The following CA10 variants were observed in gnomAD, a reference collection of about 807,000 sequenced individuals.
CA10 encodes carbonic anhydrase 10 (inactive), also known as carbonic anhydrase-related protein 10.
In CA10, 14 loss-of-function variants were observed where a neutral mutation model predicts 44.2. That is an observed-to-expected ratio of 0.32 (90% CI 0.21 to 0.50). The LOEUF (loss-of-function observed/expected upper bound fraction) is 0.50. Ranked by LOEUF, CA10 falls within the 20% of genes least tolerant of loss-of-function variation. The probability of loss-of-function intolerance (pLI) is 0.99; values close to 1 mark genes in which losing one functional copy is unlikely to be tolerated. For missense variants in CA10, 350 were observed against 409.7 expected, an observed-to-expected ratio of 0.85 and a Z score of 1.26; for synonymous variants, 159 against 141.6, an observed-to-expected ratio of 1.12 and a Z score of -0.87.
chr17:52,124,587 T>C (rs1263764457), intron 1 of CA10, among the ~76,000 whole-genome samples: 1 of 152,228 alleles, frequency 6.6e-6, no homozygotes, highest in Non-Finnish European at 1.5e-5. Flanking sequence ...ATATAAGATA[T>C]TCATAATTTG....
chr17:51,754,268 C>T (rs556960254), intron 3 of CA10, among the ~76,000 whole-genome samples: 112 of 148,116 alleles, frequency 7.6e-4, no homozygotes, highest in African/African-American at 2.2e-3. Flanking sequence ...ACTCAGGGTT[C>T]TCTAGAGAAA....
At chr17:51,807,433 AT>A (rs1907178694) in intron 3 of CA10, among the ~76,000 whole-genome samples, 1 of 152,210 alleles carries the variant, frequency 6.6e-6, no homozygotes, top group Non-Finnish European at 1.5e-5. Context: ...TTTGTCTAAA[AT>A]CACACAACTA....
At chr17:52,091,731 G>C (rs1227648603) in intron 1 of CA10, among the ~76,000 whole-genome samples, 1 of 152,142 alleles carries the variant, frequency 6.6e-6, no homozygotes, top group Non-Finnish European at 1.5e-5. Flanking sequence ...ATTGCTGTTG[G>C]AGGGGGACCT....
At chr17:52,068,279 C>A (rs927293103) in intron 2 of CA10, among the ~76,000 whole-genome samples, 3 of 152,210 alleles carry the variant, frequency 2.0e-5, no homozygotes, top group Non-Finnish European at 2.9e-5. Flanking sequence ...TCACTCAGCA[C>A]TTTTCCTTCC....
intron 4 of CA10, among the ~76,000 whole-genome samples, chr17:51,726,430 AG>A (rs1853940142): frequency 6.6e-6 from 1 of 152,188 alleles, no homozygotes; most frequent in South Asian, 2.1e-4. Flanking sequence ...CTGAGCGAGT[AG>A]ATTTTTAAGT....
chr17:51,919,101 T>A (rs1982121908), intron 3 of CA10, among the ~76,000 whole-genome samples: 1 of 152,174 alleles, frequency 6.6e-6, no homozygotes, highest in Admixed American at 6.5e-5. Flanking sequence ...AATGAGCATT[T>A]TCTTAAGTCC....
intron 3 of CA10, among the ~76,000 whole-genome samples, chr17:51,801,488 A>T (rs1426921851): frequency 6.6e-6 from 1 of 151,412 alleles, no homozygotes; most frequent in Non-Finnish European, 1.5e-5. Context: ...AGAGGAAAAA[A>T]ATTAAAAAAA....
chr17:52,030,673 G>A (rs547848528), intron 2 of CA10, among the ~76,000 whole-genome samples: 1 of 152,206 alleles, frequency 6.6e-6, no homozygotes, highest in South Asian at 2.1e-4. Flanking sequence ...AAAATAGGTG[G>A]GGAAGATCTG....
intron 3 of CA10, among the ~76,000 whole-genome samples, chr17:51,922,641 T>C (rs1001422824): frequency 2.0e-5 from 3 of 152,158 alleles, no homozygotes; most frequent in African/African-American, 7.2e-5. Flanking sequence ...CTCCTGCCAG[T>C]TCCTTTTTCG....
intron 1 of CA10, among the ~76,000 whole-genome samples, chr17:52,090,276 A>G (rs1331648294): frequency 1.3e-5 from 2 of 152,168 alleles, no homozygotes; most frequent in Non-Finnish European, 2.9e-5. Context: ...ACATTAAGGG[A>G]TTCTTCAGTA....
chr17:51,935,808 A>G (rs1482828077), intron 2 of CA10, among the ~76,000 whole-genome samples: 1 of 152,164 alleles, frequency 6.6e-6, no homozygotes, highest in African/African-American at 2.4e-5. Flanking sequence ...CTGTTTAATA[A>G]CACACCTTGG....
At chr17:51,889,880 A>ACC (rs1209484685) in intron 3 of CA10, among the ~76,000 whole-genome samples, 2 of 152,204 alleles carry the variant, frequency 1.3e-5, no homozygotes, top group Non-Finnish European at 2.9e-5. Flanking sequence ...TTAGCTGAAC[A>ACC]CCCACTGGAG....
intron 4 of CA10, among the ~76,000 whole-genome samples, chr17:51,660,116 C>G (rs55711288): frequency 0.014 from 2,111 of 152,272 alleles, 23 homozygotes; most frequent in South Asian, 0.043. Context: ...CATGATTATA[C>G]AGTCATTCAT....
chr17:51,818,552 C>T (rs1907652834), intron 3 of CA10, among the ~76,000 whole-genome samples: 1 of 152,276 alleles, frequency 6.6e-6, no homozygotes. Flanking sequence ...GAGACTAGAA[C>T]TCTGATCCTT....
intron 8 of CA10, among the ~76,000 whole-genome samples, chr17:51,632,858 G>A (rs533713163): frequency 6.6e-6 from 1 of 152,304 alleles, no homozygotes; most frequent in South Asian, 2.1e-4. Flanking sequence ...AGTTACAGGA[G>A]GCAGATGTCA....
intron 2 of CA10, among the ~76,000 whole-genome samples, chr17:51,983,973 C>T (rs376150503): frequency 3.3e-5 from 5 of 151,834 alleles, no homozygotes; most frequent in South Asian, 2.1e-4. Context: ...ATTTCCAACA[C>T]GAAGTCTCTA....
intron 3 of CA10, among the ~76,000 whole-genome samples, chr17:51,781,858 T>C (rs1452392606): frequency 1.3e-5 from 2 of 152,210 alleles, no homozygotes; most frequent in African/African-American, 4.8e-5. Flanking sequence ...TTATGTCTTA[T>C]ATAATGAGGT....
chr17:51,648,733 T>C (rs1241584718), intron 6 of CA10, among the ~76,000 whole-genome samples: 4 of 152,178 alleles, frequency 2.6e-5, no homozygotes, highest in Non-Finnish European at 5.9e-5. Flanking sequence ...AGAGATGCTA[T>C]CCTGTCTCTG....
chr17:51,687,734 T>C (rs1008498740), intron 4 of CA10, among the ~76,000 whole-genome samples: 1 of 152,236 alleles, frequency 6.6e-6, no homozygotes, highest in East Asian at 1.9e-4. Context: ...AAAATGTCCT[T>C]GCTCTTATAA....
Sources: gnomAD v4.1 joint callset for allele counts (sites outside exome capture counted in the v4.1 genomes callset) on GRCh38, gnomAD v4.1.1 for gene constraint, MANE v1.5 for transcripts, NCBI Gene and HGNC (gene_info 2026-07-23, HGNC 2026-07-21) for gene names.